RBFOX1: variants seen among roughly 807,000 people sequenced by gnomAD.
RBFOX1 encodes the protein RNA binding fox-1 homolog 1, also known as RNA binding protein fox-1 homolog 1.
In RBFOX1, 8 loss-of-function variants were observed where a neutral mutation model predicts 57.7. The ratio of observed to expected loss-of-function variants is 0.14; its 90% confidence interval spans 0.08 to 0.25. The LOEUF (loss-of-function observed/expected upper bound fraction) is 0.25, where lower values mean the gene tolerates loss of function less well. Ranked by LOEUF, RBFOX1 falls within the 10% of genes least tolerant of loss-of-function variation. The probability of loss-of-function intolerance (pLI) is 1.00; values close to 1 mark genes in which losing one functional copy is unlikely to be tolerated. For synonymous variants in RBFOX1, 326 were observed against 222.4 expected (o/e 1.47, Z -4.15); for missense variants, 611 against 548.5 (o/e 1.11, Z -1.14).
In RBFOX1 at chr16:5,947,975, T is replaced by C. The variant is rs2059437833; in HGVS notation, c.351+80640T>C. Among the ~76,000 whole-genome samples the C allele has an allele frequency of 6.6e-6, 1 of 152,216 alleles. No individual in the cohort carries two copies. The highest frequency in any genetic ancestry group is 1.5e-5 in the Non-Finnish European group (1 of 68,040). ...CCAGATTCTTGATTGAATTCCCTTT[T>C]GACCGTGGCGCTGAGGACATATGTT... On this transcript the variant is annotated intron_variant, in intron 4 of 19. Transcript: ENST00000641259. This position sits in a 1 kb window ranked among gnomAD's most constrained non-coding sequence, Gnocchi z 7.2.
intron 4 of RBFOX1, among the ~76,000 whole-genome samples, chr16:5,975,266 G>A (rs927193619): frequency 1.3e-5 from 2 of 152,104 alleles, no homozygotes; most frequent in African/African-American, 2.4e-5. Context: ...TATCCTGCAC[G>A]GGATCTGCCT....
chr16:6,913,472 G>T (rs1191261565), intron 3 of RBFOX1, among the ~76,000 whole-genome samples: 1 of 152,100 alleles, frequency 6.6e-6, no homozygotes, highest in African/African-American at 2.4e-5. Flanking sequence ...GTTGCCATCG[G>T]CCTTCTTCAC....
intron 4 of RBFOX1, among the ~76,000 whole-genome samples, chr16:5,878,314 A>G (rs140786162): frequency 9.9e-4 from 150 of 152,278 alleles, no homozygotes; most frequent in African/African-American, 3.5e-3. Flanking sequence ...GCACTGAGCA[A>G]TGTATTGTAT....
At chr16:6,715,459 G>A in intron 3 of RBFOX1, among the ~76,000 whole-genome samples, 1 of 152,218 alleles carries the variant, frequency 6.6e-6, no homozygotes, top group East Asian at 1.9e-4. Context: ...TGATTGCCAA[G>A]TTTATAATTG....
chr16:6,363,598 G>T (rs1052954257), intron 2 of RBFOX1, among the ~76,000 whole-genome samples: 1 of 152,236 alleles, frequency 6.6e-6, no homozygotes, highest in Non-Finnish European at 1.5e-5. Context: ...TCACATTTTT[G>T]AAGGGAACAG....
intron 4 of RBFOX1, among the ~76,000 whole-genome samples, chr16:7,341,787 C>CTTCCTTCT (rs1468862086): frequency 1.2e-5 from 1 of 80,502 alleles, no homozygotes; most frequent in East Asian, 2.8e-4. Flanking sequence ...TCCTTCCTTC[C>CTTCCTTCT]TTCCTTCCTT....
chr16:5,932,875 G>A (rs1196616818), intron 4 of RBFOX1, among the ~76,000 whole-genome samples: 1 of 152,076 alleles, frequency 6.6e-6, no homozygotes, highest in African/African-American at 2.4e-5. Context: ...ATATGGTTGT[G>A]GCATTGCCAA....
intron 4 of RBFOX1, among the ~76,000 whole-genome samples, chr16:7,212,868 A>G (rs112182557): frequency 0.044 from 6,669 of 152,246 alleles, 505 homozygotes; most frequent in African/African-American, 0.15. Context: ...TTAGGCTACA[A>G]TGATGATGTC....
At chr16:7,373,932 C>G (rs1393571045) in intron 4 of RBFOX1, among the ~76,000 whole-genome samples, 1 of 152,136 alleles carries the variant, frequency 6.6e-6, no homozygotes, top group Non-Finnish European at 1.5e-5. Flanking sequence ...CTCGTAGCAG[C>G]CCTTTGCAAT....
chr16:5,702,953 A>G (rs983256209), intron 3 of RBFOX1, among the ~76,000 whole-genome samples: 2 of 152,206 alleles, frequency 1.3e-5, no homozygotes, highest in Non-Finnish European at 2.9e-5. Context: ...AGGCCTCTGC[A>G]TGTTACTATG....
intron 4 of RBFOX1, among the ~76,000 whole-genome samples, chr16:5,948,450 C>T (rs2152273577): frequency 6.6e-6 from 1 of 152,182 alleles, no homozygotes; most frequent in East Asian, 1.9e-4. Flanking sequence ...CTACCTGGAA[C>T]CTCAGAATGT....
intron 3 of RBFOX1, among the ~76,000 whole-genome samples, chr16:6,732,616 C>G (rs542929284): frequency 1.3e-5 from 2 of 152,338 alleles, no homozygotes; most frequent in East Asian, 3.9e-4. Context: ...CAGGGACCCT[C>G]TGTGTTAATG....
chr16:6,244,442 G>T (rs2097557773), intron 1 of RBFOX1, among the ~76,000 whole-genome samples: 1 of 152,188 alleles, frequency 6.6e-6, no homozygotes, highest in Non-Finnish European at 1.5e-5. Context: ...ATGGTCTGCA[G>T]TGCAACATCT....
chr16:7,091,434 C>G (rs560188474), intron 4 of RBFOX1, among the ~76,000 whole-genome samples: 2 of 151,548 alleles, frequency 1.3e-5, no homozygotes, highest in East Asian at 3.9e-4. Flanking sequence ...AGCAACAAGT[C>G]AAGTCAAGAA....
chr16:6,635,333 T>C (rs1452040696), intron 2 of RBFOX1, among the ~76,000 whole-genome samples: 1 of 152,068 alleles, frequency 6.6e-6, no homozygotes, highest in East Asian at 1.9e-4. Flanking sequence ...AAGTCAGATA[T>C]TGTATAAAAT....
chr16:7,176,585 T>G (rs564925249), intron 4 of RBFOX1, among the ~76,000 whole-genome samples: 1 of 152,292 alleles, frequency 6.6e-6, no homozygotes, highest in African/African-American at 2.4e-5. Context: ...TGGCTGTGTT[T>G]GTGCTACAAC....
At chr16:6,509,014 A>G (rs539363018) in intron 2 of RBFOX1, among the ~76,000 whole-genome samples, 81 of 152,330 alleles carry the variant, frequency 5.3e-4, no homozygotes, top group African/African-American at 1.8e-3. Context: ...GGCAGTTAAG[A>G]TCACCCTTCT....
intron 12 of RBFOX1, among the ~76,000 whole-genome samples, chr16:7,655,136 A>G (rs1389788523): frequency 6.6e-6 from 1 of 152,202 alleles, no homozygotes; most frequent in Non-Finnish European, 1.5e-5. Context: ...TATTATACTC[A>G]TGACAAAAAG....
chr16:7,482,756 G>C (rs942467030), intron 4 of RBFOX1, among the ~76,000 whole-genome samples: 3 of 151,772 alleles, frequency 2.0e-5, no homozygotes, highest in African/African-American at 7.3e-5. Flanking sequence ...TTATGTTCTT[G>C]GATGTGCTGG....
Sources: allele counts gnomAD v4.1 joint callset (sites outside exome capture counted in the v4.1 genomes callset), GRCh38; gene constraint gnomAD v4.1.1; non-coding constraint Gnocchi (gnomAD v3.1); transcripts MANE v1.5; gene names NCBI Gene and HGNC (gene_info 2026-07-23, HGNC 2026-07-21).